The following KCNAB1 variants were observed in gnomAD, a reference collection of about 807,000 sequenced individuals.
The protein encoded by KCNAB1 is voltage-gated potassium channel subunit beta-1.
A neutral mutation model predicts 64.6 loss-of-function variants in KCNAB1; 35 were observed. The ratio of observed to expected loss-of-function variants is 0.54; its 90% CI spans 0.41 to 0.72. The LOEUF (loss-of-function observed/expected upper bound fraction) is 0.72. KCNAB1 is among the 30% of genes least tolerant of loss of function. KCNAB1 has a pLI of 0.00. For missense variants in KCNAB1, 401 were observed against 512.9 expected (o/e 0.78, Z 2.11); for synonymous variants, 177 against 183.8 (o/e 0.96, Z 0.30).
intron 1 of KCNAB1, among the ~76,000 whole-genome samples, chr3:156,275,703 C>T (rs1433018692): frequency 2.6e-5 from 4 of 152,174 alleles, no homozygotes; most frequent in Non-Finnish European, 4.4e-5. Context: ...TTTGCTCATT[C>T]ATAAGAAACA....
Position 156,326,549 on chromosome 3 carries a change from A to G in KCNAB1, c.276-95067A>G, listed in dbSNP as rs1722976537. On this transcript the variant is annotated intron_variant, in intron 1 of 13. Coordinates refer to ENST00000490337, the MANE Select transcript of KCNAB1 (RefSeq NM_172160.3). The stretch of plus-strand genomic sequence containing the variant: ...CAGCAATGTGGTCTACTCTGACTCT[A>G]TGAGATCTGGCATCTAGCAACTTCT... Among the ~76,000 whole-genome samples, 2 of 152,244 alleles carry G rather than the reference A, an allele frequency of 1.3e-5. 1 individual carries two copies.
intron 1 of KCNAB1, among the ~76,000 whole-genome samples, chr3:156,219,225 A>T (rs1715535051): frequency 6.6e-6 from 1 of 152,126 alleles, no homozygotes; most frequent in Non-Finnish European, 1.5e-5. Context: ...CAGGGTATGA[A>T]ATGAAACTTC....
intron 1 of KCNAB1, among the ~76,000 whole-genome samples, chr3:156,398,321 G>A (rs1054338557): frequency 6.6e-6 from 1 of 152,122 alleles, no homozygotes; most frequent in Non-Finnish European, 1.5e-5. Flanking sequence ...GGCCAGGCGC[G>A]GTGGCTCACG....
intron 2 of KCNAB1, among the ~76,000 whole-genome samples, chr3:156,430,196 A>G (rs1206188960): frequency 6.6e-6 from 1 of 152,222 alleles, no homozygotes; most frequent in Non-Finnish European, 1.5e-5. Flanking sequence ...AGGAGTGATG[A>G]TATAGCTTAG....
chr3:156,448,510 C>T (rs1266386912), intron 2 of KCNAB1, among the ~76,000 whole-genome samples: 2 of 152,180 alleles, frequency 1.3e-5, no homozygotes, highest in Non-Finnish European at 2.9e-5. Context: ...CTGTGAGAGG[C>T]AACTCCTCCT....
At chr3:156,199,531 CT>C (rs1318452463) in intron 1 of KCNAB1, among the ~76,000 whole-genome samples, 1 of 152,058 alleles carries the variant, frequency 6.6e-6, no homozygotes, top group African/African-American at 2.4e-5. Context: ...ATTCTTTTTT[CT>C]CTAATCTTGT....
intron 1 of KCNAB1, chr3:156,290,911 A>G (rs149323402): frequency 4.2e-6 from 4 of 947,914 alleles, no homozygotes; most frequent in Non-Finnish European, 5.0e-6. Context: ...GCAGAGAGAA[A>G]AGGAACTCTG....
intron 1 of KCNAB1, among the ~76,000 whole-genome samples, chr3:156,298,868 T>C (rs1404922430): frequency 2.6e-5 from 4 of 152,220 alleles, no homozygotes; most frequent in African/African-American, 9.6e-5. Context: ...GTAACCAGTT[T>C]TTCACTTTTT....
At chr3:156,429,671 A>G (rs947559640) in intron 2 of KCNAB1, among the ~76,000 whole-genome samples, 1 of 152,314 alleles carries the variant, frequency 6.6e-6, no homozygotes, top group Admixed American at 6.5e-5. Context: ...TATTTTTATG[A>G]CACCCTTCAT....
At chr3:156,283,045 A>G (rs1290490020) in intron 1 of KCNAB1, among the ~76,000 whole-genome samples, 2 of 151,156 alleles carry the variant, frequency 1.3e-5, no homozygotes, top group Admixed American at 6.6e-5. Flanking sequence ...TAGTTGATGC[A>G]GTTTCTTCCT....
chr3:156,471,982 A>C (rs144242402), intron 7 of KCNAB1, among the ~76,000 whole-genome samples: 11 of 152,142 alleles, frequency 7.2e-5, no homozygotes, highest in African/African-American at 2.7e-4. Flanking sequence ...GGACAGCCCA[A>C]ATCAGTACCC....
At chr3:156,476,925 A>T (rs767821185) in intron 8 of KCNAB1, among the ~76,000 whole-genome samples, 4 of 152,190 alleles carry the variant, frequency 2.6e-5, no homozygotes, top group Non-Finnish European at 4.4e-5. Context: ...TCTTTTAGAC[A>T]GTGTTCTTTG....
intron 1 of KCNAB1, chr3:156,291,285 C>A: frequency 2.0e-6 from 2 of 989,274 alleles, no homozygotes; most frequent in Non-Finnish European, 1.2e-6. Context: ...TCTTGAGGAG[C>A]CCCCACGTCC....
chr3:156,136,734 C>T (rs1470474506), intron 1 of KCNAB1, among the ~76,000 whole-genome samples: 1 of 152,268 alleles, frequency 6.6e-6, no homozygotes, highest in African/African-American at 2.4e-5. Flanking sequence ...CACTTTTGCA[C>T]ATCTGGGCCC....
At chr3:156,226,629 C>T (rs1000926613) in intron 1 of KCNAB1, among the ~76,000 whole-genome samples, 13 of 152,150 alleles carry the variant, frequency 8.5e-5, no homozygotes. Flanking sequence ...AGACAAAAAT[C>T]TCAGAAATCA....
At chr3:156,217,337 A>G (rs1421474237) in intron 1 of KCNAB1, among the ~76,000 whole-genome samples, 1 of 152,246 alleles carries the variant, frequency 6.6e-6, no homozygotes, top group Admixed American at 6.5e-5. Flanking sequence ...AACAGCAACA[A>G]CAACAAAAAA....
At chr3:156,181,786 C>T (rs1712835615) in intron 1 of KCNAB1, among the ~76,000 whole-genome samples, 1 of 152,118 alleles carries the variant, frequency 6.6e-6, no homozygotes, top group African/African-American at 2.4e-5. Context: ...ATGGTTTCAT[C>T]ATTATCTGAA....
chr3:156,211,413 G>A (rs899447836), intron 1 of KCNAB1, among the ~76,000 whole-genome samples: 4 of 152,184 alleles, frequency 2.6e-5, no homozygotes, highest in African/African-American at 4.8e-5. Context: ...CCAATGCAAT[G>A]GGTTGGATTT....
chr3:156,359,217 G>C, intron 1 of KCNAB1, among the ~76,000 whole-genome samples: 1 of 152,096 alleles, frequency 6.6e-6, no homozygotes, highest in East Asian at 1.9e-4. Flanking sequence ...GAAAAAACAT[G>C]ATTTTTTCCA....
Sources: allele counts gnomAD v4.1 joint callset (sites outside exome capture counted in the v4.1 genomes callset), GRCh38; gene constraint gnomAD v4.1.1; transcripts MANE v1.5; gene names NCBI Gene and HGNC (gene_info 2026-07-23, HGNC 2026-07-21).